LRBA: variants seen among roughly 807,000 people sequenced by gnomAD.
LRBA encodes the protein lipopolysaccharide-responsive and beige-like anchor protein.
LRBA carries 176 observed loss-of-function variants against 330.0 expected under a neutral mutation model. The ratio of observed to expected loss-of-function variants is 0.53; its 90% CI spans 0.47 to 0.60. The LOEUF (loss-of-function observed/expected upper bound fraction) is 0.60, where lower values mean the gene tolerates loss of function less well. LRBA is among the 20% of genes least tolerant of loss of function. The probability of loss-of-function intolerance (pLI) is 0.00; values close to 1 mark genes in which losing one functional copy is unlikely to be tolerated. For missense variants in LRBA, 3,259 were observed against 3,444.8 expected (o/e 0.95, Z 1.35); for synonymous variants, 1,230 against 1,193.0 (o/e 1.03, Z -0.64).
chr4:150,988,631 T>G (rs1206022509), intron 2 of LRBA, among the ~76,000 whole-genome samples: 1 of 151,980 alleles, frequency 6.6e-6, no homozygotes, highest in Non-Finnish European at 1.5e-5. Context: ...CAGGCTGGAG[T>G]GCAGTGGTGC....
At position 150,834,109 on chromosome 4, in the gene LRBA, C is replaced by T. The variant is rs151170050; in HGVS notation, c.4570-2133G>A. Among the ~76,000 whole-genome samples the T allele has an allele frequency of 7.7e-3, 1,166 of 152,294 alleles. 12 individuals carry two copies. Among genetic ancestry groups the T allele is most frequent in the African/African-American group, 0.027 (1,112 of 41,558 alleles). On this transcript the variant is annotated intron_variant, in intron 28 of 56. Transcript: ENST00000651943. ...TCTCTTGCTATTTCCACCACATCAGCAGTGACTTCCTCCATGGAAATCATG... is the reference window on the plus strand; with the variant it reads ...TCTCTTGCTATTTCCACCACATCAGTAGTGACTTCCTCCATGGAAATCATG...
intron 40 of LRBA, among the ~76,000 whole-genome samples, chr4:150,574,031 A>T (rs1401485162): frequency 6.6e-6 from 1 of 152,154 alleles, no homozygotes; most frequent in Non-Finnish European, 1.5e-5. Context: ...CCCAATGTTC[A>T]TTAAAATGTC....
At position 150,441,375 on chromosome 4, in the gene LRBA, C is replaced by T. The variant is rs559847489; in HGVS notation, c.6781-4511G>A. 2.4e-4 allele frequency among the ~76,000 whole-genome samples: 37 copies of T among 152,086 alleles called. No homozygotes were observed. In the South Asian group the frequency reaches 7.0e-3, roughly 29 times the overall value. On this transcript the variant is annotated intron_variant, in intron 44 of 56. Coordinates refer to ENST00000651943, the MANE Select transcript of LRBA (RefSeq NM_001364905.1). ...CAAAACAAAATTACTTTTCAAAAAT[C>T]CAGGGGCCTCCAAATTTTACTACGA... is the stretch of plus-strand genomic sequence containing the variant.
intron 40 of LRBA, among the ~76,000 whole-genome samples, chr4:150,557,059 T>C (rs1767418175): frequency 6.6e-6 from 1 of 152,124 alleles, no homozygotes. Context: ...CTCTCCAAAG[T>C]AATAGCTGAT....
intron 40 of LRBA, among the ~76,000 whole-genome samples, chr4:150,529,121 C>A (rs1315045165): frequency 6.6e-6 from 1 of 152,256 alleles, no homozygotes; most frequent in Non-Finnish European, 1.5e-5. Context: ...TATTTTCATA[C>A]AGCAAAATCA....
At chr4:150,435,487 T>C in intron 46 of LRBA, 102 bp downstream of exon 46, 1 of 1,026,010 alleles carries the variant, frequency 9.7e-7, no homozygotes, top group East Asian at 2.6e-5. Flanking sequence ...CTGAGATTTA[T>C]CTTTTGTAAA....
intron 25 of LRBA, 63 bp downstream of exon 25, chr4:150,849,359 G>C: frequency 6.9e-7 from 1 of 1,452,890 alleles, no homozygotes; most frequent in Non-Finnish European, 9.6e-7. Context: ...TTAAGTTTTA[G>C]TCAATAAAGT....
chr4:150,788,239 AT>A (rs377479266), intron 34 of LRBA, among the ~76,000 whole-genome samples: 2,059 of 122,764 alleles, frequency 0.017, 27 homozygotes, highest in African/African-American at 0.073. Flanking sequence ...CACCCGGTTA[AT>A]TTTTTTTTTT....
intron 35 of LRBA, among the ~76,000 whole-genome samples, chr4:150,745,731 T>G (rs1275923242): frequency 6.6e-6 from 1 of 152,124 alleles, no homozygotes. Context: ...GGCCAGGATG[T>G]TCTCGATCTC....
chr4:150,995,887 A>G (rs1187241199), intron 2 of LRBA, among the ~76,000 whole-genome samples: 1 of 152,190 alleles, frequency 6.6e-6, no homozygotes, highest in African/African-American at 2.4e-5. Context: ...GCCAGAGCAG[A>G]GCTACAGAGG....
At chr4:150,820,127 T>A (rs1745209459) in intron 30 of LRBA, among the ~76,000 whole-genome samples, 1 of 152,070 alleles carries the variant, frequency 6.6e-6, no homozygotes, top group South Asian at 2.1e-4. Flanking sequence ...CCAACAATTA[T>A]TATTCAATTC....
intron 28 of LRBA, chr4:150,840,562 A>G (rs2126870697): frequency 6.5e-6 from 1 of 152,726 alleles, no homozygotes; most frequent in Non-Finnish European, 1.5e-5. Flanking sequence ...TCAGACATTT[A>G]TTAAGTTCAC....
chr4:150,443,381 A>G (rs1561184753), intron 44 of LRBA, among the ~76,000 whole-genome samples: 1 of 152,202 alleles, frequency 6.6e-6, no homozygotes, highest in Non-Finnish European at 1.5e-5. Context: ...TCATGCTGCT[A>G]TAAAGACACA....
chr4:150,476,443 A>G (rs1016912056), intron 42 of LRBA, among the ~76,000 whole-genome samples: 2 of 152,088 alleles, frequency 1.3e-5, no homozygotes, highest in Admixed American at 1.3e-4. Flanking sequence ...CCCCAAACCC[A>G]GGCACTCTCT....
chr4:150,661,587 G>C (rs1781109440), intron 37 of LRBA, among the ~76,000 whole-genome samples: 1 of 150,966 alleles, frequency 6.6e-6, no homozygotes, highest in South Asian at 2.1e-4. Flanking sequence ...CATTAGAATT[G>C]TCTTAAAACA....
At chr4:150,885,264 A>C (rs1176001779) in intron 17 of LRBA, among the ~76,000 whole-genome samples, 1 of 151,790 alleles carries the variant, frequency 6.6e-6, no homozygotes, top group Non-Finnish European at 1.5e-5. Context: ...ATCTTCCAAA[A>C]TTTAATGACG....
chr4:150,320,244 A>G (rs1732301114), intron 50 of LRBA, among the ~76,000 whole-genome samples: 1 of 152,202 alleles, frequency 6.6e-6, no homozygotes, highest in African/African-American at 2.4e-5. Flanking sequence ...CCCTGGGCTC[A>G]GTGTCCTCAC....
intron 41 of LRBA, among the ~76,000 whole-genome samples, chr4:150,488,771 A>G (rs564151259): frequency 6.7e-6 from 1 of 149,522 alleles, no homozygotes; most frequent in South Asian, 2.1e-4. Flanking sequence ...AAAAAAATAT[A>G]CCAATGTTCC....
At chr4:150,607,172 T>C (rs752709587) in intron 37 of LRBA, among the ~76,000 whole-genome samples, 4 of 152,176 alleles carry the variant, frequency 2.6e-5, no homozygotes, top group Admixed American at 6.5e-5. Context: ...AAAGACCTTG[T>C]AGAGTTAACT....
Sources: gnomAD v4.1 joint callset for allele counts (sites outside exome capture counted in the v4.1 genomes callset) on GRCh38, gnomAD v4.1.1 for gene constraint, MANE v1.5 for transcripts, NCBI Gene and HGNC (gene_info 2026-07-23, HGNC 2026-07-21) for gene names.